Variants in KALRN observed in about 807,000 individuals in gnomAD.
KALRN encodes the protein kalirin RhoGEF kinase, also known as kalirin.
In KALRN, 70 loss-of-function variants were observed where a neutral mutation model predicts 353.7. The observed-to-expected ratio is 0.20, with a 90% CI of 0.16 to 0.24. KALRN has a LOEUF of 0.24. Among genes scored for constraint, KALRN ranks in the 10% least tolerant of loss-of-function variants. The pLI, the probability that KALRN is intolerant of heterozygous loss-of-function variation, is 1.00. For synonymous variants in KALRN, 1,391 were observed against 1,434.8 expected, an observed-to-expected ratio of 0.97 and a Z score of 0.69; for missense variants, 2,791 against 3,756.7, an observed-to-expected ratio of 0.74 and a Z score of 6.72.
intron 10 of KALRN, among the ~76,000 whole-genome samples, chr3:124,373,128 C>A (rs951693249): frequency 6.6e-6 from 1 of 151,954 alleles, no homozygotes; most frequent in Admixed American, 6.6e-5. Context: ...GTGAGAACCA[C>A]GGATTAGAGG....
intron 3 of KALRN, among the ~76,000 whole-genome samples, chr3:124,236,341 A>G (rs1293717454): frequency 6.6e-6 from 1 of 152,228 alleles, no homozygotes; most frequent in Non-Finnish European, 1.5e-5. Context: ...TCTCAGAGGC[A>G]AGGAGGTAGA....
rs780621634 is a variant in KALRN, at chr3:124,696,159, A to T, written c.7603A>T (p.Ile2535Phe). The change falls in exon 54 of 60, where the codon ATC becomes TTC. Residue 2535 changes from isoleucine to phenylalanine, a missense_variant. Around this residue, in one of 11 missense-constraint regions of KALRN, gnomAD observed 1,065 missense variants for 1,156.4 expected, o/e 0.92. Coordinates refer to ENST00000682506, the MANE Select transcript of KALRN (RefSeq NM_001388419.1). ...SCDSGEITLK[I>F]CNLMPQDSGI... ...TGATTCTGGAGAAATCACCCTGAAGATCTGTAATCTGATGCCCCAAGACAG... is the reference window on the plus strand; with the variant it reads ...TGATTCTGGAGAAATCACCCTGAAGTTCTGTAATCTGATGCCCCAAGACAG... 2 of 1,614,000 alleles carry T rather than the reference A, an allele frequency of 1.2e-6. No individual in the cohort carries two copies. Among genetic ancestry groups the T allele is most frequent in the Admixed American group, 3.3e-5 (2 of 60,022 alleles).
chr3:124,125,466 A>G (rs2064542622), intron 1 of KALRN, among the ~76,000 whole-genome samples: 1 of 152,192 alleles, frequency 6.6e-6, no homozygotes, highest in African/African-American at 2.4e-5. Context: ...GGTGTAGTGA[A>G]TGAGCAAGCC....
chr3:124,625,893 C>T (rs1294006892), intron 34 of KALRN, among the ~76,000 whole-genome samples: 1 of 152,102 alleles, frequency 6.6e-6, no homozygotes, highest in Admixed American at 6.6e-5. Context: ...CCAGCCTGGC[C>T]AATGTGGTGA....
rs552089808 is a variant in KALRN at position 124,340,520 on chromosome 3, C to T, written c.1647+6025C>T. Among the ~76,000 whole-genome samples, 4 of 151,600 alleles carry T rather than the reference C, an allele frequency of 2.6e-5. No individual in the cohort carries two copies. In the East Asian group the frequency reaches 7.8e-4, roughly 30 times the overall value. On this transcript the variant is annotated intron_variant, in intron 9 of 59. Transcript: ENST00000682506. ...CCTGGGTGACAGAGTGAGACTCTGT[C>T]TCCAAAAAAAGAAGAAGAAGAAGAG...
chr3:124,201,542 C>G (rs1390324295), intron 1 of KALRN, among the ~76,000 whole-genome samples: 1 of 151,700 alleles, frequency 6.6e-6, no homozygotes, highest in Non-Finnish European at 1.5e-5. Flanking sequence ...AAATAGAATC[C>G]TTTGGAAAAA....
In KALRN at chr3:124,719,524, G is replaced by A; in HGVS notation, c.*54G>A. On this transcript the variant is annotated 3_prime_UTR_variant, in exon 60 of 60. Transcript: ENST00000682506. The surrounding 1 kb of genome is among the most constrained non-coding windows in gnomAD (Gnocchi z 5.3). ...AGACGTGCAGTGTGAACCAAAGCAA[G>A]ACTGAATGTGACTGTAAATAATTCT... 1 of 1,436,522 alleles carries A rather than the reference G, an allele frequency of 7.0e-7. No individual in the cohort carries two copies. The allele number at this position is 1,436,522 out of a possible 1,614,324, so 89.0% of individuals were successfully genotyped here.
At chr3:124,103,044 G>A (rs927297506) in intron 1 of KALRN, among the ~76,000 whole-genome samples, 1 of 152,182 alleles carries the variant, frequency 6.6e-6, no homozygotes, top group Non-Finnish European at 1.5e-5. Context: ...CCGGACTCCT[G>A]TCTAGGATGG....
intron 1 of KALRN, among the ~76,000 whole-genome samples, chr3:124,155,126 T>G (rs1386355482): frequency 1.3e-5 from 2 of 152,148 alleles, no homozygotes; most frequent in Non-Finnish European, 2.9e-5. Flanking sequence ...GATTAAAGAC[T>G]TAAACCTTGG....
intron 1 of KALRN, among the ~76,000 whole-genome samples, chr3:124,116,562 GTCCAGAA>G (rs1176499197): frequency 6.6e-6 from 1 of 152,086 alleles, no homozygotes; most frequent in Non-Finnish European, 1.5e-5. Context: ...CCTCTCTTCT[GTCCAGAA>G]ATGATGATGA....
intron 34 of KALRN, among the ~76,000 whole-genome samples, chr3:124,597,684 T>C (rs908099912): frequency 2.2e-4 from 33 of 152,358 alleles, no homozygotes; most frequent in East Asian, 7.7e-4. Flanking sequence ...CCAGTCCAAA[T>C]TGAGATATGC....
intron 10 of KALRN, among the ~76,000 whole-genome samples, chr3:124,373,976 G>T (rs529218343): frequency 6.3e-4 from 96 of 152,308 alleles, no homozygotes; most frequent in African/African-American, 2.3e-3. Context: ...AGCCCAGGGA[G>T]GTTAACTAAG....
intron 5 of KALRN, among the ~76,000 whole-genome samples, chr3:124,281,678 A>G (rs914241697): frequency 6.6e-6 from 1 of 152,086 alleles, no homozygotes; most frequent in Non-Finnish European, 1.5e-5. Context: ...TGCAGCCCTT[A>G]TCCATCCCCC....
intron 8 of KALRN, among the ~76,000 whole-genome samples, chr3:124,330,271 CA>C: frequency 1.3e-5 from 2 of 151,664 alleles, no homozygotes; most frequent in Admixed American, 1.3e-4. Flanking sequence ...CACACACACA[CA>C]CACACACACA....
At chr3:124,458,234 C>A (rs1468691784) in intron 23 of KALRN, among the ~76,000 whole-genome samples, 1 of 145,706 alleles carries the variant, frequency 6.9e-6, no homozygotes. Flanking sequence ...CGAGATCACG[C>A]CACTGCACTC....
chr3:124,293,859 T>A (rs552514663), intron 5 of KALRN, among the ~76,000 whole-genome samples: 97 of 152,308 alleles, frequency 6.4e-4, no homozygotes, highest in African/African-American at 2.3e-3. Flanking sequence ...ATGTCCTAGC[T>A]GGAAGGGAGC....
intron 7 of KALRN, among the ~76,000 whole-genome samples, chr3:124,329,025 C>T (rs1418554398): frequency 6.6e-6 from 1 of 152,138 alleles, no homozygotes; most frequent in Admixed American, 6.5e-5. Context: ...TTAAATGGAG[C>T]TGTGCATCCA....
intron 6 of KALRN, among the ~76,000 whole-genome samples, chr3:124,317,046 A>AC (rs1307056753): frequency 6.6e-6 from 1 of 152,174 alleles, no homozygotes; most frequent in African/African-American, 2.4e-5. Context: ...AGAGAATTCC[A>AC]CCTACCAGGC....
intron 14 of KALRN, among the ~76,000 whole-genome samples, chr3:124,414,810 G>A (rs967487698): frequency 1.3e-5 from 2 of 152,158 alleles, no homozygotes; most frequent in Non-Finnish European, 2.9e-5. Flanking sequence ...TCTCCAACAC[G>A]AGGTAGACAG....
Sources: gnomAD v4.1 joint callset for allele counts (sites outside exome capture counted in the v4.1 genomes callset) on GRCh38, gnomAD v4.1.1 for gene constraint, gnomAD v4.1.1 regional missense constraint, Gnocchi (gnomAD v3.1) non-coding constraint, MANE v1.5 for transcripts, NCBI Gene and HGNC (gene_info 2026-07-23, HGNC 2026-07-21) for gene names.